Variants in NLRC5 observed in about 807,000 individuals in gnomAD.
NLRC5 encodes protein NLRC5.
Under a neutral mutation model 206.9 loss-of-function variants are expected in NLRC5, and 114 were observed. The ratio of observed to expected loss-of-function variants is 0.55; its 90% CI spans 0.47 to 0.64. The LOEUF is 0.64. Among genes scored for constraint, NLRC5 ranks in the 30% least tolerant of loss-of-function variants. The pLI is 0.00. For synonymous variants in NLRC5, 952 were observed against 962.8 expected, an observed-to-expected ratio of 0.99 and a Z score of 0.21; for missense variants, 2,008 against 2,305.5, an observed-to-expected ratio of 0.87 and a Z score of 2.64.
At chr16:57,003,364 A>G (rs2058521037) in intron 1 of NLRC5, among the ~76,000 whole-genome samples, 1 of 152,082 alleles carries the variant, frequency 6.6e-6, no homozygotes, top group East Asian at 1.9e-4. Context: ...TTGAGTTTGT[A>G]TCATGTGCCA....
chr16:57,021,065 C>G, intron 3 of NLRC5, 58 bp downstream of exon 3: 1 of 1,527,780 alleles, frequency 6.5e-7, no homozygotes, highest in South Asian at 1.2e-5. Flanking sequence ...TCATGGGGAG[C>G]CGGGAGGAGC....
At chr16:57,058,265 G>A in intron 28 of NLRC5, 117 bp downstream of exon 28, 1 of 819,450 alleles carries the variant, frequency 1.2e-6, no homozygotes, top group East Asian at 2.7e-5. Flanking sequence ...CAAGGACTGT[G>A]GAGGGCAAGG....
intron 10 of NLRC5, among the ~76,000 whole-genome samples, chr16:57,031,061 C>T (rs1330292910): frequency 6.6e-6 from 1 of 151,758 alleles, no homozygotes. Flanking sequence ...GAACACACCA[C>T]TGCACTCCAG....
intron 4 of NLRC5, 121 bp downstream of exon 4, chr16:57,022,436 CTCTTCG>C (rs2060780872): frequency 1.2e-6 from 1 of 842,144 alleles, no homozygotes; most frequent in Non-Finnish European, 1.9e-6. Flanking sequence ...ATAGGCCATG[CTCTTCG>C]TCTGTCCCTG....
chr16:57,070,757 T>C, intron 38 of NLRC5, 139 bp downstream of exon 38: 2 of 691,240 alleles, frequency 2.9e-6, no homozygotes, highest in Non-Finnish European at 5.1e-6. Flanking sequence ...ATGGGGTGAG[T>C]GAGTGGTGGG....
At chr16:57,075,005 CTTTTTTTTTTTTTTTTTTTTT>C (rs77796033) in intron 39 of NLRC5, among the ~76,000 whole-genome samples, 6 of 58,098 alleles carry the variant, frequency 1.0e-4, no homozygotes, top group African/African-American at 2.1e-4. Flanking sequence ...CTAGACTGTG[CTTTTTTTTTTTTTTTTTTTTT>C]TTTTTTTTTT....
chr16:57,043,766 G>T, intron 20 of NLRC5, 162 bp downstream of exon 20: 1 of 650,492 alleles, frequency 1.5e-6, no homozygotes, highest in Non-Finnish European at 2.8e-6. Flanking sequence ...TCCACTGAAT[G>T]AATGAATGAT....
chr16:57,027,073 G>A, intron 6 of NLRC5, 55 bp downstream of exon 6: 1 of 1,565,494 alleles, frequency 6.4e-7, no homozygotes. Flanking sequence ...GGGGAGCAGA[G>A]GCCAACCAGT....
rs781188052 is a variant in NLRC5, at chr16:57,051,577, T to C, written c.3462T>C (p.Thr1154=). ...TCCTGAGTGACCAGAGCCTGGAGAC[T>C]CTACTGGACTGCTTACCTCAACTCC... ...CEFLSDQSLE[T]LLDCLPQLPQ... Residue 1154 remains threonine (T), a synonymous_variant, in exon 24 of 49, where the codon ACT becomes ACC. Transcript: ENST00000688547. 78 of 1,614,038 alleles carry C rather than the reference T, an allele frequency of 4.8e-5. No individual in the cohort carries two copies. Among genetic ancestry groups the C allele is most frequent in the Non-Finnish European group, 6.5e-5 (77 of 1,179,990 alleles).
At chr16:57,035,115 A>T (rs147208601) in intron 13 of NLRC5, among the ~76,000 whole-genome samples, 138 of 152,290 alleles carry the variant, frequency 9.1e-4, no homozygotes, top group Non-Finnish European at 1.6e-3. Flanking sequence ...CATCACCTGC[A>T]GAAGCAGCCC....
chr16:57,081,120 G>T lies in NLRC5; in HGVS notation c.5344G>T (p.Asp1782Tyr), dbSNP rs1247907869. The T allele has an allele frequency of 6.5e-7, 1 of 1,547,998 alleles. No homozygotes were observed. The change falls in exon 47 of 49, where the codon GAT (aspartate) becomes TAT (tyrosine). Residue 1782 changes from aspartate to tyrosine, a missense_variant. Transcript: ENST00000688547. ...VILLSWNLLG[D>Y]EAAAELAQVL... ...CAGGCTGTCCTGGAATCTCCTCGGG[G>T]ATGAGGCAGCTGCCGAGCTGGCCCA...
chr16:57,029,725 A>C, intron 8 of NLRC5, 48 bp from the exon 9 acceptor site: 1 of 1,534,288 alleles, frequency 6.5e-7, no homozygotes, highest in Non-Finnish European at 9.0e-7. Context: ...GGGGCTTGCA[A>C]GTGCCCCAAC....
At chr16:57,070,465 C>A (rs1192405352) in intron 37 of NLRC5, 70 bp from the exon 38 acceptor site, 4 of 1,377,248 alleles carry the variant, frequency 2.9e-6, no homozygotes, top group Admixed American at 1.7e-5. Context: ...GAGAGGGGAG[C>A]TGACAGGACA....
chr16:57,046,445 A>T, intron 21 of NLRC5, 107 bp from the exon 22 acceptor site: 3 of 856,470 alleles, frequency 3.5e-6, no homozygotes, highest in Non-Finnish European at 5.6e-6. Context: ...AATGTGGGTG[A>T]TCTGAACTTT....
intron 15 of NLRC5, 64 bp downstream of exon 15, chr16:57,037,348 G>A: frequency 6.8e-7 from 1 of 1,475,288 alleles, no homozygotes; most frequent in Non-Finnish European, 9.4e-7. Flanking sequence ...TGAAGCCCTT[G>A]GAATTCCTTC....
At chr16:57,054,056 A>G (rs1457463692) in intron 24 of NLRC5, among the ~76,000 whole-genome samples, 1 of 152,168 alleles carries the variant, frequency 6.6e-6, no homozygotes, top group Non-Finnish European at 1.5e-5. Context: ...GGAGGTGCTG[A>G]GGCTGCCTCT....
intron 4 of NLRC5, among the ~76,000 whole-genome samples, chr16:57,022,596 C>T (rs1651666): frequency 0.28 from 43,108 of 151,552 alleles, 6,211 homozygotes; most frequent in Non-Finnish European, 0.31. Flanking sequence ...TCTCACTTTC[C>T]TGCCCGCAAC....
chr16:57,054,662 G>GGCCAC, intron 24 of NLRC5, 89 bp from the exon 25 acceptor site: 1 of 846,144 alleles, frequency 1.2e-6, no homozygotes. Context: ...TGAGCTGCTA[G>GGCCAC]CCCTCCCCAC....
At chr16:57,037,146 TG>T in intron 14 of NLRC5, 48 bp from the exon 15 acceptor site, 1 of 1,499,450 alleles carries the variant, frequency 6.7e-7, no homozygotes, top group Non-Finnish European at 9.3e-7. Context: ...TGGCTGGGGC[TG>T]GGTACCTCAG....
Sources: gnomAD v4.1 joint callset for allele counts (sites outside exome capture counted in the v4.1 genomes callset) on GRCh38, gnomAD v4.1.1 for gene constraint, MANE v1.5 for transcripts, NCBI Gene and HGNC (gene_info 2026-07-23, HGNC 2026-07-21) for gene names.